The following NAA35 variants were observed in gnomAD, a reference collection of about 807,000 sequenced individuals.
NAA35 encodes the protein MAK10 homolog, amino-acid N-acetyltransferase subunit.
Under a neutral mutation model 101.7 loss-of-function variants are expected in NAA35, and 18 were observed. That is an observed-to-expected ratio of 0.18 (90% CI 0.12 to 0.26). The LOEUF (loss-of-function observed/expected upper bound fraction) is 0.26, where lower values mean the gene tolerates loss of function less well. Ranked by LOEUF, NAA35 falls within the 10% of genes least tolerant of loss-of-function variation. NAA35 has a pLI of 1.00. For synonymous variants in NAA35, 267 were observed against 273.1 expected, an observed-to-expected ratio of 0.98 and a Z score of 0.22; for missense variants, 601 against 886.8, an observed-to-expected ratio of 0.68 and a Z score of 4.09.
Position 85,959,856 on chromosome 9 carries a change from T to C in NAA35, c.337T>C (p.Phe113Leu). ...ACTGATAGGGATTATGGATACATGT[T>C]TTTGCTGTTTGGTAAGAATGGAAAT... ...PELIGIMDTC[F>L]CCLITWLEGH... Residue 113 changes from phenylalanine to leucine, a missense_variant, in exon 5 of 23, where the codon TTT becomes CTT. Phe to Leu is a conservative substitution (Grantham distance 22, BLOSUM62 0). This residue lies in a region of NAA35 where 86 missense variants were observed against 169.4 expected (regional missense o/e 0.51). Coordinates refer to ENST00000361671, the MANE Select transcript of NAA35 (RefSeq NM_024635.4). The C allele has an allele frequency of 6.2e-7, 1 of 1,609,416 alleles. No individual in the cohort carries two copies. The highest frequency in any genetic ancestry group is 1.3e-5 in the African/African-American group (1 of 74,920).
intron 15 of NAA35, among the ~76,000 whole-genome samples, chr9:86,011,201 T>G (rs1452831006): frequency 6.6e-6 from 1 of 150,910 alleles, no homozygotes; most frequent in East Asian, 2.0e-4. Context: ...ATCACGCCAT[T>G]GCACTCCAGC....
intron 1 of NAA35, 21 bp from the exon 2 acceptor site, chr9:85,942,134 A>G (rs368422252): frequency 6.2e-7 from 1 of 1,607,048 alleles, no homozygotes; most frequent in South Asian, 1.1e-5. Context: ...CCTCTCTCTT[A>G]CATCAGTATT....
chr9:85,998,432 T>TGTTACAAACAATACTAA (rs1831273055), intron 12 of NAA35, among the ~76,000 whole-genome samples: 1 of 152,210 alleles, frequency 6.6e-6, no homozygotes, highest in Admixed American at 6.5e-5. Context: ...TCATTTTCAG[T>TGTTACAAACAATACTAA]GTTACAAACA....
chr9:85,998,763 A>G (rs1831286633), intron 12 of NAA35, among the ~76,000 whole-genome samples: 1 of 152,210 alleles, frequency 6.6e-6, no homozygotes, highest in African/African-American at 2.4e-5. Flanking sequence ...TTCTTAGGAC[A>G]TAAGTACACT....
intron 11 of NAA35, among the ~76,000 whole-genome samples, chr9:85,982,329 G>A (rs1313527298): frequency 6.6e-6 from 1 of 152,192 alleles, no homozygotes; most frequent in African/African-American, 2.4e-5. Flanking sequence ...GTTGTTGAAG[G>A]AAGAAAGGAG....
rs1028926864 is a variant in NAA35, at chr9:86,024,635, T to C, written c.*2675T>C. Among the ~76,000 whole-genome samples, 4 of 151,500 alleles carry C rather than the reference T, an allele frequency of 2.6e-5. No homozygotes were observed. The highest frequency in any genetic ancestry group is 4.4e-5 in the Non-Finnish European group (3 of 67,878). ...GCTAATGGGACATGGTGAATGAGAG[T>C]TTCTGCCAAAATCAAGGATGATTTT... On this transcript the variant is annotated 3_prime_UTR_variant, in exon 23 of 23. Transcript: ENST00000361671.
chr9:86,006,864 C>A (rs970661740), intron 13 of NAA35, among the ~76,000 whole-genome samples: 4 of 151,876 alleles, frequency 2.6e-5, no homozygotes, highest in Non-Finnish European at 4.4e-5. Context: ...TACTAAAATA[C>A]AGTGGATTGT....
Position 85,948,023 on chromosome 9 carries a change from G to A in NAA35, c.124+5740G>A, listed in dbSNP as rs560634714. On this transcript the variant is annotated intron_variant, in intron 2 of 22. Transcript: ENST00000361671. Reference sequence around the variant, plus strand: ...CTTAGGAGCTTTAGTTAATGAAAAAGGAGTTTCTAGAAGACACTGCGTTCC... The same window carrying A: ...CTTAGGAGCTTTAGTTAATGAAAAAAGAGTTTCTAGAAGACACTGCGTTCC... Among the ~76,000 whole-genome samples, 3 of 152,174 alleles carry A rather than the reference G, an allele frequency of 2.0e-5. No homozygotes were observed. In the South Asian group the frequency reaches 6.2e-4, roughly 32 times the overall value.
Position 86,013,884 on chromosome 9 carries a change from T to A in NAA35, c.1555T>A (p.Tyr519Asn). The A allele has an allele frequency of 6.2e-7, 1 of 1,601,530 alleles. No homozygotes were observed. The highest frequency in any genetic ancestry group is 8.5e-7 in the Non-Finnish European group (1 of 1,171,688). Residue 519 changes from tyrosine (Y) to asparagine (N), a missense_variant, in exon 17 of 23, where the codon TAT becomes AAT. Physicochemically the swap from Tyr to Asn is moderately radical, Grantham distance 143 (BLOSUM62 -2). Coordinates refer to ENST00000361671, the MANE Select transcript of NAA35 (RefSeq NM_024635.4). ...ELELYSMHEY[Y>N]YIYWYLSEFL... is the part of the protein sequence containing the mutation. ...GGAACTCTACAGTATGCACGAGTAC[T>A]ATTACATATATTGGTAAGAGCACAG...
chr9:85,958,385 AAGT>A, intron 3 of NAA35, 84 bp from the exon 4 acceptor site: 2 of 718,248 alleles, frequency 2.8e-6, no homozygotes, highest in South Asian at 2.0e-5. Context: ...TAGTTATTAA[AAGT>A]AGTATAATTT....
intron 6 of NAA35, among the ~76,000 whole-genome samples, chr9:85,972,190 A>G (rs907501267): frequency 6.6e-6 from 1 of 151,958 alleles, no homozygotes; most frequent in African/African-American, 2.4e-5. Flanking sequence ...TTTCCTCCAC[A>G]GTGTTTGTCT....
rs149916792 is a variant in NAA35, at chr9:85,949,365, G to T, written c.125-6995G>T. 2.5e-4 allele frequency among the ~76,000 whole-genome samples: 37 copies of T among 150,956 alleles called. No homozygotes were observed. The East Asian group carries it at 7.3e-3, about 30-fold the overall frequency. ...GCTGGAGTGTAATGGCGCAATCTCG[G>T]CTCACCGCAACCTCCACCTCCCAGG... is the stretch of plus-strand genomic sequence containing the variant. On this transcript the variant is annotated intron_variant, in intron 2 of 22. Coordinates refer to ENST00000361671, the MANE Select transcript of NAA35 (RefSeq NM_024635.4).
chr9:85,941,338 C>G, intron 1 of NAA35, 65 bp downstream of exon 1: 1 of 985,582 alleles, frequency 1.0e-6, no homozygotes, highest in Non-Finnish European at 1.2e-6. Context: ...CCGCAGCCCC[C>G]CGCGCGTGTG....
chr9:86,015,912 A>G (rs1832189001), intron 17 of NAA35: 1 of 245,330 alleles, frequency 4.1e-6, no homozygotes, highest in Non-Finnish European at 6.5e-6. Context: ...GTTATATGGT[A>G]TAAAAGGGTA....
intron 6 of NAA35, among the ~76,000 whole-genome samples, chr9:85,971,935 A>G (rs895280091): frequency 4.6e-5 from 7 of 151,962 alleles, no homozygotes; most frequent in African/African-American, 1.7e-4. Context: ...ATAGAGTCCA[A>G]TGTCTGATCT....
At chr9:85,998,920 A>G (rs1332934400) in intron 12 of NAA35, among the ~76,000 whole-genome samples, 6 of 152,200 alleles carry the variant, frequency 3.9e-5, no homozygotes, top group Non-Finnish European at 8.8e-5. Context: ...CTCACACAGT[A>G]TATAGTTTAT....
At position 86,021,890 on chromosome 9, in the gene NAA35, T is replaced by G; in HGVS notation, c.2119-11T>G. ...TAGATACATTAATTGAGTTTCGTTTTTCTTTAACAGGTTCCTCCTGAATTT... is the reference window on the plus strand; with the variant it reads ...TAGATACATTAATTGAGTTTCGTTTGTCTTTAACAGGTTCCTCCTGAATTT... On this transcript the variant is annotated splice_polypyrimidine_tract_variant and intron_variant, in intron 22 of 22. Coordinates refer to ENST00000361671, the MANE Select transcript of NAA35 (RefSeq NM_024635.4). 6.2e-7 allele frequency: 1 copy of G among 1,609,456 alleles called. No homozygotes were observed. The highest frequency in any genetic ancestry group is 8.5e-7 in the Non-Finnish European group (1 of 1,176,526).
chr9:86,004,423 G>C (rs138446690), intron 13 of NAA35, among the ~76,000 whole-genome samples: 791 of 57,324 alleles, frequency 0.014, 6 homozygotes, highest in African/African-American at 0.053. Context: ...AGGCTGCAGT[G>C]AGCTGTGATC....
chr9:85,974,970 G>A lies in NAA35; in HGVS notation c.520G>A (p.Asp174Asn), dbSNP rs1830149198. 1 of 1,610,124 alleles carries A rather than the reference G, an allele frequency of 6.2e-7. No homozygotes were observed. The highest frequency in any genetic ancestry group is 1.3e-5 in the African/African-American group (1 of 74,776). ...VNKAAVFEEE[D>N]FQSMTYGFKM... is the part of the protein sequence containing the mutation. ...TGATTATTTCCTTTTTGTATAGGAA[G>A]ATTTTCAGTCAATGACTTATGGATT... The change falls in exon 7 of 23, where the codon GAT becomes AAT. Residue 174 changes from aspartate (D) to asparagine (N), a missense_variant. Asp to Asn is a conservative substitution (Grantham distance 23). Transcript: ENST00000361671.
Sources: gnomAD v4.1 joint callset for allele counts (sites outside exome capture counted in the v4.1 genomes callset) on GRCh38, gnomAD v4.1.1 for gene constraint, gnomAD v4.1.1 regional missense constraint, MANE v1.5 for transcripts, NCBI Gene and HGNC (gene_info 2026-07-23, HGNC 2026-07-21) for gene names.